ALPK3: variants seen among roughly 807,000 people sequenced by gnomAD.
ALPK3 encodes alpha-protein kinase 3.
A neutral mutation model predicts 140.0 loss-of-function variants in ALPK3; 102 were observed. That is an observed-to-expected ratio of 0.73 (90% CI 0.62 to 0.86). The LOEUF (loss-of-function observed/expected upper bound fraction) is 0.86, where lower values mean the gene tolerates loss of function less well. Among genes scored for constraint, ALPK3 ranks in the 40% least tolerant of loss-of-function variants. The probability of loss-of-function intolerance (pLI) is 0.00; values close to 1 mark genes in which losing one functional copy is unlikely to be tolerated. For synonymous variants in ALPK3, 938 were observed against 898.5 expected (o/e 1.04, Z -0.79); for missense variants, 2,254 against 2,208.2 (o/e 1.02, Z -0.42).
rs770303030 is a variant in ALPK3 at position 84,857,466 on chromosome 15, C to T, written c.2728C>T (p.Pro910Ser). The change falls in exon 6 of 14, where the codon CCA (proline) becomes TCA (serine). Residue 910 changes from proline (P) to serine (S), a missense_variant. Pro to Ser is a moderately conservative substitution (Grantham distance 74). Around this residue, in one of 3 missense-constraint regions of ALPK3, gnomAD observed 2,088 missense variants for 2,022.9 expected, o/e 1.03. Transcript: ENST00000258888. ...SEDQVLMSSAPTLHLGLGTPT... is the reference protein window; with the variant it reads ...SEDQVLMSSASTLHLGLGTPT... ...GGATCAGGTCCTGATGAGTTCTGCC[C>T]CAACACTGCACCTGGGGCTGGGGAC... 1.1e-5 allele frequency: 17 copies of T among 1,611,714 alleles called. No individual in the cohort carries two copies. The South Asian group carries it at 1.1e-4, about 10-fold the overall frequency.
chr15:84,860,996 T>G (rs911797564), intron 9 of ALPK3, among the ~76,000 whole-genome samples: 2 of 152,228 alleles, frequency 1.3e-5, no homozygotes, highest in East Asian at 1.9e-4. Flanking sequence ...TGCCAATTAG[T>G]GACTTTTGTT....
At position 84,857,892 on chromosome 15, in the gene ALPK3, C is replaced by T. The variant is rs745957839; in HGVS notation, c.3154C>T (p.Arg1052Cys). The change falls in exon 6 of 14, where the codon CGC becomes TGC. Residue 1052 changes from arginine (R) to cysteine (C), a missense_variant. Physicochemically the swap from Arg to Cys is radical, Grantham distance 180. Around this residue, in one of 3 missense-constraint regions of ALPK3, gnomAD observed 2,088 missense variants for 2,022.9 expected, o/e 1.03. Coordinates refer to ENST00000258888, the MANE Select transcript of ALPK3 (RefSeq NM_020778.5). ...CCTGGACCGTGAGGTGCAGGCTGGC[C>T]GCCAGGCCCTTGCTGCTGCCCGAGG... ...GLLDREVQAG[R>C]QALAAARGSW... is the part of the protein sequence containing the mutation. 5.5e-5 allele frequency: 88 copies of T among 1,612,150 alleles called. No individual in the cohort carries two copies. The highest frequency in any genetic ancestry group is 6.8e-5 in the Non-Finnish European group (80 of 1,179,514).
Position 84,839,927 on chromosome 15 carries a change from C to G in ALPK3, c.648C>G (p.Leu216=), listed in dbSNP as rs142016958. ...GGGAGGTCGACACTCTGCGCAAGCT[C>G]AGCCCCGACCGCTTCCAGCGAAAGC... ...VPGEVDTLRK[L]SPDRFQRKRR... The change falls in exon 5 of 14, where the codon CTC becomes CTG. Residue 216 remains leucine (L), a synonymous_variant. Coordinates refer to ENST00000258888, the MANE Select transcript of ALPK3 (RefSeq NM_020778.5). The G allele has an allele frequency of 2.3e-5, 37 of 1,613,708 alleles. No homozygotes were observed. The highest frequency in any genetic ancestry group is 2.9e-5 in the Non-Finnish European group (34 of 1,179,908).
chr15:84,839,574 G>A (rs570806397), intron 4 of ALPK3, 128 bp from the exon 5 acceptor site: 3 of 1,023,650 alleles, frequency 2.9e-6, no homozygotes, highest in East Asian at 4.8e-5. Flanking sequence ...GAGATGGGGC[G>A]TAGCACACGG....
intron 5 of ALPK3, among the ~76,000 whole-genome samples, chr15:84,847,226 A>G (rs1047521008): frequency 1.5e-4 from 22 of 151,080 alleles, no homozygotes; most frequent in Non-Finnish European, 8.9e-5. Flanking sequence ...AGAGAGAGAG[A>G]GAGAGAGAGA....
At position 84,857,508 on chromosome 15, in the gene ALPK3, C is replaced by T. The variant is rs767438988; in HGVS notation, c.2770C>T (p.Pro924Ser). Residue 924 changes from proline (P) to serine (S), a missense_variant, in exon 6 of 14, where the codon CCA (proline) becomes TCA (serine). By Grantham distance (74) the Pro-to-Ser change is moderately conservative (BLOSUM62 -1). Transcript: ENST00000258888. ...LGLGTPTQSH[P>S]PETMATSSEG... ...GCTGGGGACCCCCACTCAGAGTCACCCACCAGAAACCATGGCCACCAGCAG... is the reference window on the plus strand; with the variant it reads ...GCTGGGGACCCCCACTCAGAGTCACTCACCAGAAACCATGGCCACCAGCAG... 5 of 1,598,630 alleles carry T rather than the reference C, an allele frequency of 3.1e-6. No individual in the cohort carries two copies. The South Asian group carries it at 5.6e-5, about 18-fold the overall frequency.
rs773048982 is a variant in ALPK3, at chr15:84,857,917, G to T, written c.3179G>T (p.Gly1060Val). 1 of 1,611,004 alleles carries T rather than the reference G, an allele frequency of 6.2e-7. No homozygotes were observed. Among genetic ancestry groups the T allele is most frequent in the Non-Finnish European group, 8.5e-7 (1 of 1,179,082 alleles). The change falls in exon 6 of 14, where the codon GGC (glycine) becomes GTC (valine). Residue 1060 changes from glycine to valine, a missense_variant. Around this residue, in one of 3 missense-constraint regions of ALPK3, gnomAD observed 2,088 missense variants for 2,022.9 expected, o/e 1.03. Coordinates refer to ENST00000258888, the MANE Select transcript of ALPK3 (RefSeq NM_020778.5). The part of the protein sequence containing the change: ...AGRQALAAAR[G>V]SWGPGPSSLT... Reference sequence around the variant, plus strand: ...CGCCAGGCCCTTGCTGCTGCCCGAGGCTCCTGGGGTCCTGGTCCCAGCTCC... The same window carrying T: ...CGCCAGGCCCTTGCTGCTGCCCGAGTCTCCTGGGGTCCTGGTCCCAGCTCC...
chr15:84,856,029 T>C (rs1846266351), intron 5 of ALPK3, among the ~76,000 whole-genome samples: 1 of 152,118 alleles, frequency 6.6e-6, no homozygotes, highest in Admixed American at 6.5e-5. Context: ...CTGGGAGCCC[T>C]GGGGAGAGGA....
At chr15:84,847,814 T>G (rs1033626224) in intron 5 of ALPK3, among the ~76,000 whole-genome samples, 2 of 152,138 alleles carry the variant, frequency 1.3e-5, no homozygotes, top group African/African-American at 4.8e-5. Context: ...ATCCCAGCAC[T>G]GTGGGAGGCT....
chr15:84,842,785 C>G (rs947272098), intron 5 of ALPK3, among the ~76,000 whole-genome samples: 1 of 152,314 alleles, frequency 6.6e-6, no homozygotes, highest in Middle Eastern at 3.4e-3. Context: ...GGAACCTGTT[C>G]CTGACTCTTG....
At chr15:84,848,075 T>G (rs306208) in intron 5 of ALPK3, among the ~76,000 whole-genome samples, 35,488 of 140,066 alleles carry the variant, frequency 0.25, 5,194 homozygotes, top group Middle Eastern at 0.38. Flanking sequence ...AAAAAAAAAA[T>G]AAAAAGAAAA....
Position 84,858,560 on chromosome 15 carries a change from G to A in ALPK3, c.3817+5G>A, listed in dbSNP as rs1963899908. On this transcript the variant is annotated splice_donor_5th_base_variant and intron_variant, in intron 6 of 13. Transcript: ENST00000258888. ...AAGCCAAAGACCTGCTGAAAGGTGA[G>A]CAGTGGGGAGGGAGAGGGATGGCTT... is the stretch of plus-strand genomic sequence containing the variant. 1 of 1,574,216 alleles carries A rather than the reference G, an allele frequency of 6.4e-7. No individual in the cohort carries two copies. Among genetic ancestry groups the A allele is most frequent in the Non-Finnish European group, 8.6e-7 (1 of 1,168,552 alleles).
chr15:84,835,834 T>C (rs571673937), intron 3 of ALPK3, among the ~76,000 whole-genome samples: 41 of 152,318 alleles, frequency 2.7e-4, no homozygotes, highest in African/African-American at 9.9e-4. Context: ...AAGCACTTAG[T>C]GCATTGCTTC....
At position 84,856,407 on chromosome 15, in the gene ALPK3, A is replaced by G. The variant is rs1963860557; in HGVS notation, c.1669A>G (p.Thr557Ala). ...RTPGEVLECQ[T>A]TTAPTMSASS... ...CTGTTTTCAGGTCCTGGAATGCCAG[A>G]CAACCACGGCTCCTACCATGTCGGC... is the stretch of plus-strand genomic sequence containing the variant. Residue 557 changes from threonine (T) to alanine (A), a missense_variant, in exon 6 of 14, where the codon ACA (threonine) becomes GCA (alanine). Thr to Ala is a moderately conservative substitution (Grantham distance 58, BLOSUM62 0). Transcript: ENST00000258888. The G allele has an allele frequency of 6.3e-7, 1 of 1,597,610 alleles. No homozygotes were observed.
rs1964034729 is a variant in ALPK3, at chr15:84,868,816, C to T, written c.*360C>T. ...TGCACCCCAAGCCCTTGCCCCAGCC[C>T]AGTCCAGCAGCAGATGTTACAATCT... On this transcript the variant is annotated 3_prime_UTR_variant, in exon 14 of 14. Transcript: ENST00000258888. 1 of 267,784 alleles carries T rather than the reference C, an allele frequency of 3.7e-6. No individual in the cohort carries two copies. Among genetic ancestry groups the T allele is most frequent in the Admixed American group, 4.8e-5 (1 of 20,814 alleles). The allele number at this position is 267,784 out of a possible 1,614,324, so 16.6% of individuals were successfully genotyped here.
rs1163757880 is a variant in ALPK3, at chr15:84,840,320, C to T, written c.1041C>T (p.Pro347=). 6.2e-7 allele frequency: 1 copy of T among 1,614,068 alleles called. No individual in the cohort carries two copies. The highest frequency in any genetic ancestry group is 8.5e-7 in the Non-Finnish European group (1 of 1,180,012). Residue 347 remains proline (P), a synonymous_variant, in exon 5 of 14, where the codon CCC becomes CCT. Coordinates refer to ENST00000258888, the MANE Select transcript of ALPK3 (RefSeq NM_020778.5). ...QSRRSSENCI[P]SSDEPDSCGT... is the part of the protein sequence containing the mutation. ...GCCGTTCTTCAGAAAACTGCATCCC[C>T]AGCTCAGACGAGCCTGACTCCTGTG...
chr15:84,838,638 T>TTATGA (rs145586317), intron 3 of ALPK3, among the ~76,000 whole-genome samples: 3 of 139,498 alleles, frequency 2.2e-5, no homozygotes, highest in East Asian at 4.2e-4. Context: ...ATTATTATTA[T>TTATGA]TGAGATGGAG....
intron 2 of ALPK3, among the ~76,000 whole-genome samples, chr15:84,824,968 T>C (rs895280425): frequency 7.9e-5 from 12 of 152,140 alleles, no homozygotes; most frequent in African/African-American, 2.9e-4. Flanking sequence ...TGACAGTATA[T>C]ACAGTGACTC....
At position 84,862,721 on chromosome 15, in the gene ALPK3, C is replaced by A. The variant is rs1963961475; in HGVS notation, c.4216C>A (p.Leu1406Met). 6.2e-7 allele frequency: 1 copy of A among 1,614,046 alleles called. No homozygotes were observed. Among genetic ancestry groups the A allele is most frequent in the African/African-American group, 1.3e-5 (1 of 74,928 alleles). The change falls in exon 10 of 14, where the codon CTG becomes ATG. Residue 1406 changes from leucine (L) to methionine (M), a missense_variant. This residue lies in a region of ALPK3 where 2,088 missense variants were observed against 2,022.9 expected (regional missense o/e 1.03). Coordinates refer to ENST00000258888, the MANE Select transcript of ALPK3 (RefSeq NM_020778.5). ...CTGGGGGGACAAGCTCTTTGGGCGA[C>A]TGGTAAGCGAGGAGCTCCGAGGGGG... ...GCWGDKLFGR[L>M]VSEELRGGGY...
Sources: gnomAD v4.1 joint callset for allele counts (sites outside exome capture counted in the v4.1 genomes callset) on GRCh38, gnomAD v4.1.1 for gene constraint, gnomAD v4.1.1 regional missense constraint, MANE v1.5 for transcripts, NCBI Gene and HGNC (gene_info 2026-07-23, HGNC 2026-07-21) for gene names.